The following ADNP variants were observed in gnomAD, a reference collection of about 807,000 sequenced individuals.
ADNP encodes activity dependent neuroprotector homeobox, also known as activity-dependent neuroprotector homeobox protein.
ADNP carries 4 observed loss-of-function variants against 84.9 expected under a neutral mutation model. The ratio of observed to expected loss-of-function variants is 0.05; its 90% confidence interval spans 0.02 to 0.11. ADNP has a LOEUF of 0.11. Among genes scored for constraint, ADNP ranks in the 10% least tolerant of loss-of-function variants. ADNP has a pLI of 1.00. For missense variants in ADNP, 1,132 were observed against 1,326.0 expected (o/e 0.85, Z 2.27); for synonymous variants, 554 against 468.1 (o/e 1.18, Z -2.37).
rs754083809 is a variant in ADNP at position 50,892,025 on chromosome 20, A to C, written c.2689T>G (p.Phe897Val). Residue 897 changes from phenylalanine (F) to valine (V), a missense_variant, in exon 6 of 6, where the codon TTT becomes GTT. Phe to Val is a conservative substitution (Grantham distance 50). This residue lies in a region of ADNP where 381 missense variants were observed against 319.9 expected (regional missense o/e 1.19). Transcript: ENST00000621696. The part of the protein sequence containing the change: ...NESGSPFDPV[F>V]EVEPKISNDN... ...TTAGAGATTTTAGGTTCAACTTCAA[A>C]AACAGGGTCAAAAGGGCTACCACTT... 6 of 1,614,138 alleles carry C rather than the reference A, an allele frequency of 3.7e-6. No individual in the cohort carries two copies. The highest frequency in any genetic ancestry group is 4.2e-6 in the Non-Finnish European group (5 of 1,180,024).
intron 5 of ADNP, among the ~76,000 whole-genome samples, chr20:50,898,167 T>C (rs927126166): frequency 6.6e-6 from 1 of 152,236 alleles, no homozygotes; most frequent in African/African-American, 2.4e-5. Context: ...TTCTGGCAAG[T>C]GATTTTCCTC....
At position 50,893,108 on chromosome 20, in the gene ADNP, T is replaced by G; in HGVS notation, c.1606A>C (p.Ile536Leu). 2.5e-6 allele frequency: 4 copies of G among 1,614,240 alleles called. No individual in the cohort carries two copies. The highest frequency in any genetic ancestry group is 2.5e-6 in the Non-Finnish European group (3 of 1,180,038). Residue 536 changes from isoleucine to leucine, a missense_variant, in exon 6 of 6, where the codon ATT becomes CTT. This residue lies in a region of ADNP where 87 missense variants were observed against 181.4 expected (regional missense o/e 0.48). Transcript: ENST00000621696. This position sits in a 1 kb window ranked among gnomAD's most constrained non-coding sequence, Gnocchi z 4.4. ...KMAAHMRMVH[I>L]DEEMGPKTDS... ...GTTTTAGGTCCCATCTCTTCATCAA[T>G]GTGAACCATCCGCATGTGTGCGGCC...
chr20:50,903,933 T>C lies in ADNP; in HGVS notation c.64A>G (p.Ile22Val). ...LRKARKTVKKILSDIGLEYCK... is the reference protein window; with the variant it reads ...LRKARKTVKKVLSDIGLEYCK... ...TATTCCAACCCAATGTCACTAAGTA[T>C]TTTTTTCACAGTTTTCCGGGCTTTT... is the stretch of plus-strand genomic sequence containing the variant. Residue 22 changes from isoleucine (I) to valine (V), a missense_variant, in exon 4 of 6, where the codon ATA (isoleucine) becomes GTA (valine). Coordinates refer to ENST00000621696, the MANE Select transcript of ADNP (RefSeq NM_001282531.3). 1 of 1,613,958 alleles carries C rather than the reference T, an allele frequency of 6.2e-7. No homozygotes were observed. The highest frequency in any genetic ancestry group is 8.5e-7 in the Non-Finnish European group (1 of 1,179,922).
chr20:50,921,199 C>A (rs773891096), intron 2 of ADNP, among the ~76,000 whole-genome samples: 3 of 152,206 alleles, frequency 2.0e-5, no homozygotes, highest in Non-Finnish European at 4.4e-5. Flanking sequence ...CAGGGCATAA[C>A]CTCTCCAAAA....
At chr20:50,911,635 G>C (rs1051538318) in intron 2 of ADNP, among the ~76,000 whole-genome samples, 3 of 151,618 alleles carry the variant, frequency 2.0e-5, no homozygotes, top group Non-Finnish European at 4.4e-5. Flanking sequence ...GGCACACCAA[G>C]AATTAGTGGA....
Position 50,892,313 on chromosome 20 carries a change from C to A in ADNP, c.2401G>T (p.Ala801Ser). 1 of 1,614,156 alleles carries A rather than the reference C, an allele frequency of 6.2e-7. No individual in the cohort carries two copies. The highest frequency in any genetic ancestry group is 8.5e-7 in the Non-Finnish European group (1 of 1,180,034). ...ASLWLWKSDI[A>S]SHFSNKRKKC... ...TTCCTTTTGTTACTAAAATGGGAAG[C>A]GATGTCACTCTTCCATAACCATAAA... The change falls in exon 6 of 6, where the codon GCT becomes TCT. Residue 801 changes from alanine to serine, a missense_variant. Physicochemically the swap from Ala to Ser is moderately conservative, Grantham distance 99. Around this residue, in one of 10 missense-constraint regions of ADNP, gnomAD observed 41 missense variants for 78.4 expected, o/e 0.52. Transcript: ENST00000621696.
At chr20:50,910,777 C>T (rs1600972208) in intron 2 of ADNP, among the ~76,000 whole-genome samples, 2 of 152,202 alleles carry the variant, frequency 1.3e-5, no homozygotes, top group South Asian at 2.1e-4. Context: ...GCCTCAGCCT[C>T]GCAAGTAGAT....
chr20:50,896,492 G>C (rs1981407458), intron 5 of ADNP, among the ~76,000 whole-genome samples: 1 of 152,086 alleles, frequency 6.6e-6, no homozygotes, highest in Non-Finnish European at 1.5e-5. Context: ...TCAGGAGACT[G>C]AGGTTGCAGT....
chr20:50,896,464 G>A (rs561379168), intron 5 of ADNP, among the ~76,000 whole-genome samples: 26 of 151,982 alleles, frequency 1.7e-4, no homozygotes, highest in Middle Eastern at 6.8e-3. Flanking sequence ...GGTGGCAGGC[G>A]CCTCTAATTC....
Position 50,891,955 on chromosome 20 carries a change from G to T in ADNP, c.2759C>A (p.Ala920Asp). The T allele has an allele frequency of 6.2e-7, 1 of 1,614,196 alleles. No homozygotes were observed. The highest frequency in any genetic ancestry group is 8.5e-7 in the Non-Finnish European group (1 of 1,180,036). ...GTCTAGCTTCTCCTCAGATTCTGAA[G>T]CATCCTCAGGAATTACCTTCAGTAC... ...EHVLKVIPED[A>D]SESEEKLDQK... Residue 920 changes from alanine to aspartate, a missense_variant, in exon 6 of 6, where the codon GCT (alanine) becomes GAT (aspartate). Physicochemically the swap from Ala to Asp is moderately radical, Grantham distance 126. This residue lies in a region of ADNP where 381 missense variants were observed against 319.9 expected (regional missense o/e 1.19). Coordinates refer to ENST00000621696, the MANE Select transcript of ADNP (RefSeq NM_001282531.3).
intron 2 of ADNP, among the ~76,000 whole-genome samples, chr20:50,915,538 T>C (rs1983443511): frequency 6.6e-6 from 1 of 152,182 alleles, no homozygotes; most frequent in Non-Finnish European, 1.5e-5. Flanking sequence ...CTGATTTCCA[T>C]TCTCCTATAA....
At chr20:50,913,620 AATTTT>A (rs1983261785) in intron 2 of ADNP, 1 of 171,364 alleles carries the variant, frequency 5.8e-6, no homozygotes, top group Non-Finnish European at 1.3e-5. Context: ...CTGTGACGAT[AATTTT>A]ATTTATTTAA....
At chr20:50,896,294 G>A (rs749568192) in intron 5 of ADNP, among the ~76,000 whole-genome samples, 10 of 151,312 alleles carry the variant, frequency 6.6e-5, no homozygotes, top group Non-Finnish European at 1.3e-4. Flanking sequence ...ATCTTCATAT[G>A]CCTATTCTAT....
At chr20:50,907,179 A>T (rs1982565494) in intron 2 of ADNP, among the ~76,000 whole-genome samples, 1 of 150,576 alleles carries the variant, frequency 6.6e-6, no homozygotes, top group Non-Finnish European at 1.5e-5. Flanking sequence ...TTTAGCCAGG[A>T]TGGTCTTGAT....
Position 50,922,618 on chromosome 20 carries a change from C to G in ADNP, c.-90+6033G>C, listed in dbSNP as rs557212476. ...TTTTAAAGACAGAATCTCACTCTGTCCCCCAGGCTGGAGTGCAGTGGTGCA... is the reference window on the plus strand; with the variant it reads ...TTTTAAAGACAGAATCTCACTCTGTGCCCCAGGCTGGAGTGCAGTGGTGCA... On this transcript the variant is annotated intron_variant, in intron 2 of 5. Transcript: ENST00000621696. Among the ~76,000 whole-genome samples the G allele has an allele frequency of 2.2e-4, 32 of 146,102 alleles. 1 individual carries two copies. In the South Asian group the frequency reaches 6.7e-3, roughly 31 times the overall value.
In ADNP at chr20:50,893,536, G is replaced by A. The variant is rs780570815; in HGVS notation, c.1178C>T (p.Ser393Phe). 2 of 1,613,932 alleles carry A rather than the reference G, an allele frequency of 1.2e-6. No homozygotes were observed. The highest frequency in any genetic ancestry group is 8.5e-7 in the Non-Finnish European group (1 of 1,180,020). ...AGAAGAGGCATTAGCAGACTGCAGGGAGTATCTTGCTGGTGCCTGGGACCT... is the reference window on the plus strand; with the variant it reads ...AGAAGAGGCATTAGCAGACTGCAGGAAGTATCTTGCTGGTGCCTGGGACCT... ...EQRSQAPARYSLQSANASSLS... is the reference protein window; with the variant it reads ...EQRSQAPARYFLQSANASSLS... Residue 393 changes from serine (S) to phenylalanine (F), a missense_variant, in exon 6 of 6, where the codon TCC (serine) becomes TTC (phenylalanine). Coordinates refer to ENST00000621696, the MANE Select transcript of ADNP (RefSeq NM_001282531.3). The surrounding 1 kb of genome is among the most constrained non-coding windows in gnomAD (Gnocchi z 4.4).
At position 50,891,423 on chromosome 20, in the gene ADNP, C is replaced by T. The variant is rs779655684; in HGVS notation, c.3291G>A (p.Leu1097=). 2.5e-6 allele frequency: 4 copies of T among 1,607,980 alleles called. No individual in the cohort carries two copies. In the South Asian group the frequency reaches 3.3e-5, roughly 13 times the overall value. Residue 1097 remains leucine (L), a synonymous_variant, in exon 6 of 6, where the codon CTG becomes CTA. Coordinates refer to ENST00000621696, the MANE Select transcript of ADNP (RefSeq NM_001282531.3). ...CTGGCACTTAGGCCTGTTGGCTGCTCAGTTTAACTCCGGCTAAGCTGCCAT... is the reference window on the plus strand; with the variant it reads ...CTGGCACTTAGGCCTGTTGGCTGCTTAGTTTAACTCCGGCTAAGCTGCCAT... The part of the protein sequence containing the change: ...PMHGSLAGVK[L]SSQQA
intron 5 of ADNP, among the ~76,000 whole-genome samples, chr20:50,895,541 C>T (rs993822297): frequency 6.6e-6 from 1 of 152,134 alleles, no homozygotes; most frequent in Non-Finnish European, 1.5e-5. Context: ...TTAGGCTACA[C>T]AAGTTTTACT....
intron 2 of ADNP, among the ~76,000 whole-genome samples, chr20:50,921,401 G>C (rs1983947722): frequency 6.6e-6 from 1 of 152,186 alleles, no homozygotes; most frequent in Admixed American, 6.5e-5. Flanking sequence ...CTGAACATCT[G>C]CAACTATCTT....
Sources: allele counts gnomAD v4.1 joint callset (sites outside exome capture counted in the v4.1 genomes callset), GRCh38; gene constraint gnomAD v4.1.1; regional missense constraint gnomAD v4.1.1; non-coding constraint Gnocchi (gnomAD v3.1); transcripts MANE v1.5; gene names NCBI Gene and HGNC (gene_info 2026-07-23, HGNC 2026-07-21).